FARS2: variants seen among roughly 807,000 people sequenced by gnomAD.
FARS2 encodes the protein phenylalanyl-tRNA synthetase 2, mitochondrial.
FARS2 carries 40 observed loss-of-function variants against 46.4 expected under a neutral mutation model. The observed-to-expected ratio is 0.86, with a 90% CI of 0.67 to 1.12. FARS2 has a LOEUF of 1.12. Among genes scored for constraint, FARS2 ranks in the 50% most tolerant of loss-of-function variants. The pLI is 0.00. For synonymous variants in FARS2, 234 were observed against 214.9 expected (o/e 1.09, Z -0.78); for missense variants, 513 against 567.9 (o/e 0.90, Z 0.98).
In FARS2 at chr6:5,700,097, C is replaced by T. The variant is rs1165278443; in HGVS notation, c.1218-71194C>T. Among the ~76,000 whole-genome samples the T allele has an allele frequency of 2.0e-5, 3 of 152,210 alleles. No individual in the cohort carries two copies. In the East Asian group the frequency reaches 5.8e-4, roughly 29 times the overall value. On this transcript the variant is annotated intron_variant, in intron 6 of 6. Coordinates refer to ENST00000274680, the MANE Select transcript of FARS2 (RefSeq NM_006567.5). ...CCAGGCATTGTACATGCTGCCTTCT[C>T]ATGACTGGAGAGGGCCTAGGATGAC...
intron 2 of FARS2, among the ~76,000 whole-genome samples, chr6:5,384,575 T>C (rs1759999161): frequency 6.6e-6 from 1 of 152,194 alleles, no homozygotes; most frequent in South Asian, 2.1e-4. Flanking sequence ...GCCTCTGTGA[T>C]GTGTTCAACT....
intron 1 of FARS2, among the ~76,000 whole-genome samples, chr6:5,333,795 T>C (rs1561964614): frequency 1.3e-5 from 2 of 152,204 alleles, no homozygotes; most frequent in Admixed American, 6.5e-5. Flanking sequence ...CATGTAATTC[T>C]CTATTGACTT....
intron 6 of FARS2, among the ~76,000 whole-genome samples, chr6:5,638,064 G>A (rs540516270): frequency 6.6e-6 from 1 of 152,334 alleles, no homozygotes; most frequent in South Asian, 2.1e-4. Flanking sequence ...ATGAAAGCCA[G>A]GAGAGCCCTT....
intron 6 of FARS2, among the ~76,000 whole-genome samples, chr6:5,689,021 T>C (rs944704087): frequency 6.6e-6 from 1 of 152,254 alleles, no homozygotes; most frequent in East Asian, 1.9e-4. Context: ...GATGGTAGTT[T>C]GTATTTCTGT....
chr6:5,386,559 C>T (rs992685097), intron 2 of FARS2, among the ~76,000 whole-genome samples: 2 of 151,970 alleles, frequency 1.3e-5, no homozygotes, highest in Admixed American at 6.5e-5. Flanking sequence ...TACAATCGTC[C>T]GAGAGAACCA....
At chr6:5,377,409 C>T (rs1759451214) in intron 2 of FARS2, among the ~76,000 whole-genome samples, 1 of 152,206 alleles carries the variant, frequency 6.6e-6, no homozygotes, top group East Asian at 1.9e-4. Context: ...TTGATAACAT[C>T]CTCTGGGTCT....
At chr6:5,383,079 T>C (rs531149227) in intron 2 of FARS2, among the ~76,000 whole-genome samples, 11 of 152,318 alleles carry the variant, frequency 7.2e-5, no homozygotes, top group African/African-American at 2.6e-4. Flanking sequence ...TGATGTTTAA[T>C]GAAATATCTG....
intron 1 of FARS2, among the ~76,000 whole-genome samples, chr6:5,360,809 T>G (rs1758247108): frequency 1.3e-5 from 2 of 152,188 alleles, no homozygotes; most frequent in Non-Finnish European, 2.9e-5. Context: ...TTGTACAGTT[T>G]AAAATTTATG....
At chr6:5,284,901 T>C (rs1192358980) in intron 1 of FARS2, among the ~76,000 whole-genome samples, 1 of 152,178 alleles carries the variant, frequency 6.6e-6, no homozygotes, top group Non-Finnish European at 1.5e-5. Context: ...TTGCTTAACA[T>C]GTTCATCTGC....
intron 1 of FARS2, among the ~76,000 whole-genome samples, chr6:5,346,911 GTT>G (rs35923995): frequency 3.0e-4 from 43 of 145,146 alleles, no homozygotes; most frequent in African/African-American, 5.7e-4. Context: ...CATTCATTAG[GTT>G]TTTTTTTTTT....
intron 1 of FARS2, among the ~76,000 whole-genome samples, chr6:5,351,473 G>T (rs1453136350): frequency 4.6e-5 from 7 of 152,154 alleles, no homozygotes; most frequent in Non-Finnish European, 1.5e-5. Flanking sequence ...ACGTATTTGT[G>T]ATATATTTCT....
chr6:5,369,210 G>T, intron 2 of FARS2, 28 bp downstream of exon 2: 1 of 1,591,984 alleles, frequency 6.3e-7, no homozygotes, highest in Non-Finnish European at 8.5e-7. Flanking sequence ...TCTCATCGCT[G>T]AAGGATGTCA....
intron 4 of FARS2, among the ~76,000 whole-genome samples, chr6:5,473,631 C>T (rs985750251): frequency 6.6e-6 from 1 of 151,564 alleles, no homozygotes; most frequent in Non-Finnish European, 1.5e-5. Flanking sequence ...TATTTACATA[C>T]ATTGTTTTTC....
At position 5,573,006 on chromosome 6, in the gene FARS2, C is replaced by T. The variant is rs750576916; in HGVS notation, c.1065+27666C>T. Among the ~76,000 whole-genome samples, 103 of 152,156 alleles carry T rather than the reference C, an allele frequency of 6.8e-4. 1 individual carries two copies. Among genetic ancestry groups the T allele is most frequent in the Non-Finnish European group, 1.2e-3 (79 of 68,012 alleles). On this transcript the variant is annotated intron_variant, in intron 5 of 6. Coordinates refer to ENST00000274680, the MANE Select transcript of FARS2 (RefSeq NM_006567.5). ...GATCTTGAGTTCCTTAGCACAATATCGAAAATATTTGTTCACTAAATGTTT... is the reference window on the plus strand; with the variant it reads ...GATCTTGAGTTCCTTAGCACAATATTGAAAATATTTGTTCACTAAATGTTT...
intron 3 of FARS2, among the ~76,000 whole-genome samples, chr6:5,429,680 G>A (rs759919470): frequency 6.6e-6 from 1 of 152,060 alleles, no homozygotes; most frequent in Non-Finnish European, 1.5e-5. Flanking sequence ...GCATGATGAC[G>A]CGTGCTTGTA....
intron 1 of FARS2, among the ~76,000 whole-genome samples, chr6:5,328,955 G>T (rs1269532485): frequency 6.6e-6 from 1 of 152,050 alleles, no homozygotes; most frequent in Non-Finnish European, 1.5e-5. Flanking sequence ...TTTGCCGGAG[G>T]TAAAGGATTA....
At chr6:5,321,724 A>G (rs1329847232) in intron 1 of FARS2, among the ~76,000 whole-genome samples, 2 of 152,226 alleles carry the variant, frequency 1.3e-5, no homozygotes, top group Non-Finnish European at 2.9e-5. Context: ...CTACAATCAA[A>G]TCTGGTTAAA....
intron 6 of FARS2, among the ~76,000 whole-genome samples, chr6:5,627,928 C>G (rs1424394408): frequency 6.9e-6 from 1 of 144,866 alleles, no homozygotes; most frequent in Non-Finnish European, 1.5e-5. Context: ...GGAGAATACT[C>G]CTTAGAAACA....
At chr6:5,656,426 A>G (rs1282082103) in intron 6 of FARS2, among the ~76,000 whole-genome samples, 1 of 152,148 alleles carries the variant, frequency 6.6e-6, no homozygotes, top group Non-Finnish European at 1.5e-5. Context: ...TGAGTGAGTA[A>G]TGTGCTTGAG....
Sources: gnomAD v4.1 joint callset for allele counts (sites outside exome capture counted in the v4.1 genomes callset) on GRCh38, gnomAD v4.1.1 for gene constraint, MANE v1.5 for transcripts, NCBI Gene and HGNC (gene_info 2026-07-23, HGNC 2026-07-21) for gene names.